NLRP1: variants seen among roughly 807,000 people sequenced by gnomAD.
NLRP1 encodes the protein NLR family pyrin domain containing 1, also known as NACHT, LRR and PYD domains-containing protein 1.
In NLRP1, 94 loss-of-function variants were observed where a neutral mutation model predicts 136.7. The ratio of observed to expected loss-of-function variants is 0.69; its 90% confidence interval spans 0.58 to 0.82. The LOEUF (loss-of-function observed/expected upper bound fraction) is 0.82, where lower values mean the gene tolerates loss of function less well. Among genes scored for constraint, NLRP1 ranks in the 40% least tolerant of loss-of-function variants. NLRP1 has a pLI of 0.00. For missense variants in NLRP1, 1,575 were observed against 1,802.7 expected (o/e 0.87, Z 2.29); for synonymous variants, 690 against 725.1 (o/e 0.95, Z 0.78).
Position 5,542,030 on chromosome 17 carries a change from G to A in NLRP1, c.2529-3C>T, listed in dbSNP as rs1460210371. ...CTGTGAGGCCACAGCCAGCCAACCT[G>A]TGGAAGACACACACCCATGGTCTTC... On this transcript the variant is annotated splice_polypyrimidine_tract_variant and splice_region_variant and intron_variant, in intron 5 of 16. Coordinates refer to ENST00000572272, the MANE Select transcript of NLRP1 (RefSeq NM_033004.4). 1 of 1,612,226 alleles carries A rather than the reference G, an allele frequency of 6.2e-7. No homozygotes were observed. Among genetic ancestry groups the A allele is most frequent in the South Asian group, 1.1e-5 (1 of 90,836 alleles).
rs1439895101 is a variant in NLRP1, at chr17:5,514,121, A to G, written c.*633T>C. The G allele has an allele frequency of 6.6e-6, 1 of 152,328 alleles. No homozygotes were observed. The highest frequency in any genetic ancestry group is 1.9e-4 in the East Asian group (1 of 5,198). The allele number at this position is 152,328 out of a possible 1,614,324, so 9.4% of individuals were successfully genotyped here. ...CCAGTCGGGACTGCTGTGCCTATGGAGTAGGTAACTTCTTATTCCTTTATT... is the reference window on the plus strand; with the variant it reads ...CCAGTCGGGACTGCTGTGCCTATGGGGTAGGTAACTTCTTATTCCTTTATT... On this transcript the variant is annotated 3_prime_UTR_variant, in exon 17 of 17. Transcript: ENST00000572272.
chr17:5,579,627 C>T (rs1306039979), intron 3 of NLRP1, among the ~76,000 whole-genome samples: 1 of 152,148 alleles, frequency 6.6e-6, no homozygotes, highest in African/African-American at 2.4e-5. Flanking sequence ...CATAAAGATG[C>T]ATGTACATGT....
At chr17:5,532,398 T>C (rs1206316131) in intron 11 of NLRP1, among the ~76,000 whole-genome samples, 2 of 152,240 alleles carry the variant, frequency 1.3e-5, no homozygotes, top group East Asian at 3.8e-4. Flanking sequence ...ATTGTAGTTA[T>C]GTTATGGAAG....
Position 5,559,821 on chromosome 17 carries a change from T to C in NLRP1, c.875A>G (p.Gln292Arg). 7.4e-6 allele frequency: 12 copies of C among 1,614,260 alleles called. No homozygotes were observed. The highest frequency in any genetic ancestry group is 1.0e-5 in the Non-Finnish European group (12 of 1,180,040). The change falls in exon 4 of 17, where the codon CAA (glutamine) becomes CGA (arginine). Residue 292 changes from glutamine to arginine, a missense_variant. By Grantham distance (43) the Gln-to-Arg change is conservative. Transcript: ENST00000572272. ...CCAGCTTCTCTTGACCAGGGGATCT[T>C]GGCTTCTGGGGTGAGGTCTTTGTAG... ...LLLQRPHPRS[Q>R]DPLVKRSWPD...
intron 3 of NLRP1, among the ~76,000 whole-genome samples, chr17:5,581,445 T>C (rs150314633): frequency 6.6e-4 from 101 of 152,352 alleles, no homozygotes; most frequent in African/African-American, 2.4e-3. Flanking sequence ...CGTAAAGCCC[T>C]GGACATGGTC....
In NLRP1 at chr17:5,574,298, G is replaced by A. The variant is rs1298166718; in HGVS notation, c.652+7561C>T. ...AACGAACAAAGCCTCCAAGAAATAT[G>A]GGACTATGTGAAAAGACCAAATCTA... is the stretch of plus-strand genomic sequence containing the variant. On this transcript the variant is annotated intron_variant, in intron 3 of 16. Coordinates refer to ENST00000572272, the MANE Select transcript of NLRP1 (RefSeq NM_033004.4). Among the ~76,000 whole-genome samples, 7 of 152,188 alleles carry A rather than the reference G, an allele frequency of 4.6e-5. No individual in the cohort carries two copies. The South Asian group carries it at 6.2e-4, about 14-fold the overall frequency.
intron 12 of NLRP1, among the ~76,000 whole-genome samples, chr17:5,524,563 G>A (rs1483553300): frequency 6.6e-6 from 1 of 152,246 alleles, no homozygotes; most frequent in East Asian, 1.9e-4. Flanking sequence ...CTCCCCAGTT[G>A]CTTCTCCAAG....
chr17:5,537,660 A>G lies in NLRP1; in HGVS notation c.2871-720T>C, dbSNP rs2151767360. 6.6e-6 allele frequency among the ~76,000 whole-genome samples: 1 copy of G among 152,314 alleles called. No individual in the cohort carries two copies. Among genetic ancestry groups the G allele is most frequent in the Middle Eastern group, 3.4e-3 (1 of 294 alleles). On this transcript the variant is annotated intron_variant, in intron 7 of 16. Transcript: ENST00000572272. This position sits in a 1 kb window ranked among gnomAD's most constrained non-coding sequence, Gnocchi z 4.5. ...CTGCATTCATTCCCCTACTGCTGTT[A>G]GAGCTGTTCTGCCCCTGGGGAGGAG...
chr17:5,517,626 T>C, intron 15 of NLRP1, 120 bp downstream of exon 15: 2 of 1,124,326 alleles, frequency 1.8e-6, no homozygotes, highest in African/African-American at 1.6e-5. Context: ...GACCTTGTGA[T>C]CTGCCTGCCT....
downstream of NLRP1, among the ~76,000 whole-genome samples, chr17:5,510,655 C>G (rs1250458778): frequency 6.6e-6 from 1 of 151,808 alleles, no homozygotes; most frequent in East Asian, 1.9e-4. Context: ...GCATGAGCCA[C>G]TGCATCTGGC....
chr17:5,511,727 C>T (rs1352127236), downstream of NLRP1, among the ~76,000 whole-genome samples: 2 of 119,908 alleles, frequency 1.7e-5, no homozygotes, highest in African/African-American at 3.3e-5. Context: ...TAGGTCCTTC[C>T]TTCTTTCCCT....
intron 4 of NLRP1, among the ~76,000 whole-genome samples, chr17:5,555,913 T>C (rs771188766): frequency 6.6e-6 from 1 of 151,562 alleles, no homozygotes; most frequent in Non-Finnish European, 1.5e-5. Context: ...GCCAACATGG[T>C]GAAACCCCGT....
intron 5 of NLRP1, among the ~76,000 whole-genome samples, chr17:5,549,457 T>A (rs938987632): frequency 1.3e-5 from 2 of 152,072 alleles, no homozygotes; most frequent in Non-Finnish European, 2.9e-5. Context: ...ATTTTGTAGT[T>A]TTGGTAGAGA....
At chr17:5,528,038 G>A (rs1040120023) in intron 12 of NLRP1, among the ~76,000 whole-genome samples, 3 of 152,234 alleles carry the variant, frequency 2.0e-5, no homozygotes, top group African/African-American at 7.2e-5. Flanking sequence ...AGCTGCATGA[G>A]GTTTCTCCTG....
intron 11 of NLRP1, among the ~76,000 whole-genome samples, chr17:5,531,564 CT>C (rs1910275266): frequency 6.6e-6 from 1 of 152,132 alleles, no homozygotes; most frequent in South Asian, 2.1e-4. Context: ...GGAAACAACA[CT>C]TTTATAGAGA....
At chr17:5,540,716 C>T (rs529850517) in intron 6 of NLRP1, among the ~76,000 whole-genome samples, 30 of 152,280 alleles carry the variant, frequency 2.0e-4, no homozygotes, top group Admixed American at 3.3e-4. Flanking sequence ...GACCAGGGAT[C>T]GCCGACCCCT....
chr17:5,527,432 G>C (rs1909699245), intron 12 of NLRP1, among the ~76,000 whole-genome samples: 1 of 152,140 alleles, frequency 6.6e-6, no homozygotes, highest in Non-Finnish European at 1.5e-5. Context: ...TCAGAATTTG[G>C]TCTAGAGAAG....
chr17:5,512,153 T>A, downstream of NLRP1: 2 of 948,976 alleles, frequency 2.1e-6, no homozygotes, highest in Admixed American at 3.4e-5. Flanking sequence ...ACTGTGGCCA[T>A]TCGATCTGAA....
intron 5 of NLRP1, among the ~76,000 whole-genome samples, chr17:5,548,837 T>C (rs11656724): frequency 0.047 from 7,184 of 152,244 alleles, 198 homozygotes; most frequent in Middle Eastern, 0.085. Context: ...TGGTGTCCCT[T>C]TCATCTATGT....
Sources: gnomAD v4.1 joint callset for allele counts (sites outside exome capture counted in the v4.1 genomes callset) on GRCh38, gnomAD v4.1.1 for gene constraint, Gnocchi (gnomAD v3.1) non-coding constraint, MANE v1.5 for transcripts, NCBI Gene and HGNC (gene_info 2026-07-23, HGNC 2026-07-21) for gene names.